Variants in CALN1 observed in about 807,000 individuals in gnomAD.
CALN1 encodes calcium-binding protein 8.
In CALN1, 17 loss-of-function variants were observed where a neutral mutation model predicts 30.6. The ratio of observed to expected loss-of-function variants is 0.56; its 90% CI spans 0.38 to 0.83. The LOEUF is 0.83. Among genes scored for constraint, CALN1 ranks in the 40% least tolerant of loss-of-function variants. CALN1 has a pLI of 0.00. For synonymous variants in CALN1, 156 were observed against 131.4 expected, an observed-to-expected ratio of 1.19 and a Z score of -1.28; for missense variants, 291 against 354.9, an observed-to-expected ratio of 0.82 and a Z score of 1.45.
rs543683711 is a variant in CALN1, at chr7:72,218,595, G to A, written c.244+60091C>T. ...TGAGAATCTCTAACCTGACCATGTA[G>A]AGGACGCCATGCTTGAAGAAGTTTC... is the stretch of plus-strand genomic sequence containing the variant. On this transcript the variant is annotated intron_variant, in intron 3 of 6. Coordinates refer to ENST00000395275, the MANE Select transcript of CALN1 (RefSeq NM_031468.4). Among the ~76,000 whole-genome samples the A allele has an allele frequency of 5.3e-5, 8 of 152,296 alleles. No homozygotes were observed. The East Asian group carries it at 5.8e-4, about 11-fold the overall frequency.
chr7:71,913,499 G>A (rs1794531427), intron 5 of CALN1, among the ~76,000 whole-genome samples: 1 of 152,184 alleles, frequency 6.6e-6, no homozygotes, highest in Admixed American at 6.5e-5. Context: ...TAAGAAAGAA[G>A]GATGTTGGTG....
chr7:72,461,534 C>T, the CALN1 span, among the ~76,000 whole-genome samples: 3 of 152,168 alleles, frequency 2.0e-5, no homozygotes, highest in African/African-American at 7.2e-5. Context: ...AGGCCATTAT[C>T]CCAAGCAAAT....
chr7:72,504,234 T>C, the CALN1 span, among the ~76,000 whole-genome samples: 51 of 152,278 alleles, frequency 3.3e-4, no homozygotes, highest in African/African-American at 1.2e-3. Context: ...TCTTTCATCC[T>C]TCCCACCCTC....
chr7:71,888,481 A>T (rs1189630875), intron 5 of CALN1, among the ~76,000 whole-genome samples: 1 of 147,136 alleles, frequency 6.8e-6, no homozygotes, highest in South Asian at 2.1e-4. Flanking sequence ...AAAAAAAGCA[A>T]AAAAACAAAA....
intron 2 of CALN1, among the ~76,000 whole-genome samples, chr7:72,308,202 A>G (rs566387849): frequency 4.6e-5 from 7 of 152,228 alleles, no homozygotes; most frequent in Admixed American, 2.0e-4. Context: ...CACCTCTACT[A>G]AAAATACAAA....
chr7:71,801,420 G>C (rs62459038), intron 6 of CALN1, among the ~76,000 whole-genome samples: 4,211 of 101,288 alleles, frequency 0.042, 73 homozygotes, highest in East Asian at 0.1. Flanking sequence ...ATGTATGTAT[G>C]TATGTATGTA....
chr7:72,297,768 C>A (rs1313627705), intron 2 of CALN1, among the ~76,000 whole-genome samples: 1 of 152,194 alleles, frequency 6.6e-6, no homozygotes, highest in Admixed American at 6.5e-5. Context: ...AATATTCATT[C>A]TTCAATTCCA....
intron 2 of CALN1, among the ~76,000 whole-genome samples, chr7:72,353,906 G>C (rs1803078595): frequency 6.6e-6 from 1 of 152,178 alleles, no homozygotes; most frequent in Admixed American, 6.5e-5. Flanking sequence ...CTCCATTCAG[G>C]CCGGGCGTAG....
intron 2 of CALN1, among the ~76,000 whole-genome samples, chr7:72,290,926 ATTT>A (rs11352227): frequency 2.9e-4 from 41 of 143,470 alleles, no homozygotes; most frequent in Middle Eastern, 3.7e-3. Flanking sequence ...CCTTTTAACC[ATTT>A]TTTTTTTTTT....
chr7:71,792,844 A>C (rs1399171983), intron 6 of CALN1, among the ~76,000 whole-genome samples: 1 of 151,942 alleles, frequency 6.6e-6, no homozygotes, highest in African/African-American at 2.4e-5. Flanking sequence ...TTTTTGCTGA[A>C]GCTCTTCTTC....
chr7:72,130,650 G>T (rs970219752), intron 3 of CALN1, among the ~76,000 whole-genome samples: 4 of 152,146 alleles, frequency 2.6e-5, no homozygotes, highest in African/African-American at 4.8e-5. Context: ...GGGAAACCAG[G>T]TGATGGTGAT....
chr7:71,930,450 C>T (rs1056827110), intron 5 of CALN1, among the ~76,000 whole-genome samples: 2 of 152,170 alleles, frequency 1.3e-5, no homozygotes, highest in Non-Finnish European at 2.9e-5. Context: ...GTTCTTTATA[C>T]ATTCTAGACA....
intron 5 of CALN1, among the ~76,000 whole-genome samples, chr7:71,941,576 T>C (rs910704767): frequency 2.0e-5 from 3 of 152,198 alleles, no homozygotes; most frequent in Admixed American, 6.5e-5. Flanking sequence ...ATTTCATTCA[T>C]GCTTAGAGAA....
chr7:71,900,177 A>G (rs1029561893), intron 5 of CALN1, among the ~76,000 whole-genome samples: 6 of 152,192 alleles, frequency 3.9e-5, no homozygotes, highest in Non-Finnish European at 8.8e-5. Context: ...GCTTTTATAG[A>G]TCAATAAGAA....
chr7:72,270,596 A>C (rs1796911143), intron 3 of CALN1, among the ~76,000 whole-genome samples: 1 of 151,984 alleles, frequency 6.6e-6, no homozygotes, highest in South Asian at 2.1e-4. Context: ...ACATAGTGAC[A>C]CCCCATCTCT....
intron 5 of CALN1, among the ~76,000 whole-genome samples, chr7:71,847,069 A>G (rs1228741064): frequency 6.6e-6 from 1 of 151,684 alleles, no homozygotes. Context: ...TAGAGACCCA[A>G]GAGAGCTGAT....
chr7:72,232,031 A>C (rs1174828047), intron 3 of CALN1, among the ~76,000 whole-genome samples: 1 of 152,168 alleles, frequency 6.6e-6, no homozygotes, highest in African/African-American at 2.4e-5. Context: ...TGGATGCATA[A>C]AACATATGCA....
intron 4 of CALN1, among the ~76,000 whole-genome samples, chr7:72,079,761 C>CTTTTTTTTTTTTTTTTTTT (rs3065015): frequency 8.7e-5 from 9 of 104,044 alleles, no homozygotes; most frequent in South Asian, 3.5e-4. Context: ...TGCCTTTTTC[C>CTTTTTTTTTTTTTTTTTTT]TTTTTTTTTT....
intron 3 of CALN1, among the ~76,000 whole-genome samples, chr7:72,145,218 T>C (rs971554988): frequency 1.4e-4 from 21 of 152,098 alleles, no homozygotes; most frequent in Middle Eastern, 3.4e-3. Flanking sequence ...ATTGATAGAT[T>C]GCTAGCAAGA....
Sources: allele counts gnomAD v4.1 joint callset (sites outside exome capture counted in the v4.1 genomes callset), GRCh38; gene constraint gnomAD v4.1.1; transcripts MANE v1.5; gene names NCBI Gene and HGNC (gene_info 2026-07-23, HGNC 2026-07-21).